The following AGMO variants were observed in gnomAD, a reference collection of about 807,000 sequenced individuals.
The protein encoded by AGMO is glyceryl-ether monooxygenase.
In AGMO, 75 loss-of-function variants were observed where a neutral mutation model predicts 60.2. The observed-to-expected ratio is 1.25, with a 90% confidence interval of 1.03 to 1.51. The LOEUF (loss-of-function observed/expected upper bound fraction) is 1.51. AGMO is among the 40% of genes most tolerant of loss of function. The pLI, the probability that AGMO is intolerant of heterozygous loss-of-function variation, is 0.00. For synonymous variants in AGMO, 261 were observed against 177.1 expected (o/e 1.47, Z -3.76); for missense variants, 763 against 525.5 (o/e 1.45, Z -4.42).
At chr7:15,224,892 T>C (rs940056458) in intron 12 of AGMO, among the ~76,000 whole-genome samples, 1 of 152,066 alleles carries the variant, frequency 6.6e-6, no homozygotes, top group Non-Finnish European at 1.5e-5. Context: ...TCTAGTGATA[T>C]TGGCACAATT....
chr7:15,539,647 G>T (rs954654252), intron 3 of AGMO, among the ~76,000 whole-genome samples: 1 of 152,062 alleles, frequency 6.6e-6, no homozygotes, highest in Non-Finnish European at 1.5e-5. Context: ...ATTCCTTTGG[G>T]CATATACTCA....
intron 3 of AGMO, among the ~76,000 whole-genome samples, chr7:15,476,481 T>C (rs1782595735): frequency 6.6e-6 from 1 of 152,136 alleles, no homozygotes; most frequent in Non-Finnish European, 1.5e-5. Flanking sequence ...GGTGGTTGTT[T>C]TATTTTCATC....
At chr7:15,272,524 T>C (rs1430941397) in intron 12 of AGMO, among the ~76,000 whole-genome samples, 1 of 152,124 alleles carries the variant, frequency 6.6e-6, no homozygotes, top group Non-Finnish European at 1.5e-5. Context: ...TAATCCAGTC[T>C]ATCATTGATG....
At chr7:15,444,902 C>A (rs1781658759) in intron 3 of AGMO, among the ~76,000 whole-genome samples, 1 of 152,236 alleles carries the variant, frequency 6.6e-6, no homozygotes, top group South Asian at 2.1e-4. Context: ...GTTTTACTTT[C>A]TTGCTTAATG....
At chr7:15,373,429 T>C (rs577989626) in intron 10 of AGMO, among the ~76,000 whole-genome samples, 49 of 152,272 alleles carry the variant, frequency 3.2e-4, no homozygotes, top group Admixed American at 5.9e-4. Flanking sequence ...GGAAAAGGTA[T>C]CATTAACAAC....
At chr7:15,335,102 A>C (rs562428155) in intron 12 of AGMO, among the ~76,000 whole-genome samples, 1 of 152,300 alleles carries the variant, frequency 6.6e-6, no homozygotes, top group Non-Finnish European at 1.5e-5. Context: ...TGCTTATAGT[A>C]ACACAAATAA....
intron 3 of AGMO, among the ~76,000 whole-genome samples, chr7:15,442,775 C>A (rs921347029): frequency 6.6e-6 from 1 of 152,008 alleles, no homozygotes; most frequent in Non-Finnish European, 1.5e-5. Context: ...GCCTGCCACA[C>A]CCCCATCCTG....
At chr7:15,266,847 C>A (rs1783446812) in intron 12 of AGMO, among the ~76,000 whole-genome samples, 1 of 151,682 alleles carries the variant, frequency 6.6e-6, no homozygotes, top group South Asian at 2.1e-4. Flanking sequence ...CAGATGACAT[C>A]ACCTAATATT....
At position 15,469,550 on chromosome 7, in the gene AGMO, C is replaced by T. The variant is rs143661088; in HGVS notation, c.410-38442G>A. Among the ~76,000 whole-genome samples the T allele has an allele frequency of 6.6e-5, 10 of 152,226 alleles. 1 individual carries two copies. The highest frequency in any genetic ancestry group is 4.1e-4 in the South Asian group (2 of 4,826). Reference sequence around the variant, plus strand: ...CTTGGCTGGTCAGCTGTGTTCCTCACGCCCCATGGCAAGAGGTCATTTGAA... The same window carrying T: ...CTTGGCTGGTCAGCTGTGTTCCTCATGCCCCATGGCAAGAGGTCATTTGAA... On this transcript the variant is annotated intron_variant, in intron 3 of 12. Transcript: ENST00000342526.
chr7:15,371,476 C>T (rs574967737), intron 10 of AGMO, among the ~76,000 whole-genome samples: 8 of 152,156 alleles, frequency 5.3e-5, no homozygotes, highest in African/African-American at 1.7e-4. Context: ...CTGCAATCTC[C>T]GCCTCCTGGG....
At chr7:15,461,269 T>A (rs1782134069) in intron 3 of AGMO, among the ~76,000 whole-genome samples, 1 of 151,850 alleles carries the variant, frequency 6.6e-6, no homozygotes, top group African/African-American at 2.4e-5. Flanking sequence ...ATAAAGATAA[T>A]CATAAATATT....
chr7:15,261,957 T>A (rs992180666), intron 12 of AGMO, among the ~76,000 whole-genome samples: 7 of 151,928 alleles, frequency 4.6e-5, no homozygotes, highest in African/African-American at 1.7e-4. Flanking sequence ...CCATTATGAT[T>A]AAACCCTCAG....
intron 12 of AGMO, among the ~76,000 whole-genome samples, chr7:15,273,205 G>A (rs1783669505): frequency 6.6e-6 from 1 of 152,130 alleles, no homozygotes; most frequent in Admixed American, 6.5e-5. Context: ...CCTTGCCCAT[G>A]CCTATGTCCT....
intron 3 of AGMO, among the ~76,000 whole-genome samples, chr7:15,495,918 T>A (rs1311704057): frequency 6.6e-6 from 1 of 151,814 alleles, no homozygotes; most frequent in Non-Finnish European, 1.5e-5. Flanking sequence ...CTTCTTCTTA[T>A]AAGGGCACAA....
At chr7:15,347,813 G>A (rs999413808) in intron 12 of AGMO, among the ~76,000 whole-genome samples, 1 of 152,002 alleles carries the variant, frequency 6.6e-6, no homozygotes, top group African/African-American at 2.4e-5. Context: ...TTTCAGTCTA[G>A]AACCTGCTGA....
chr7:15,369,776 C>G (rs972734350), intron 10 of AGMO, among the ~76,000 whole-genome samples: 1 of 151,890 alleles, frequency 6.6e-6, no homozygotes, highest in Non-Finnish European at 1.5e-5. Flanking sequence ...TCCCAAGGGC[C>G]TAGAATATAG....
chr7:15,386,783 A>G (rs1224294948), intron 9 of AGMO, among the ~76,000 whole-genome samples: 1 of 152,218 alleles, frequency 6.6e-6, no homozygotes, highest in African/African-American at 2.4e-5. Flanking sequence ...TATATTCTAA[A>G]TGATTAAAAA....
At chr7:15,496,784 T>C (rs1251009222) in intron 3 of AGMO, among the ~76,000 whole-genome samples, 3 of 152,164 alleles carry the variant, frequency 2.0e-5, no homozygotes, top group Non-Finnish European at 4.4e-5. Context: ...TGGTCAGAAA[T>C]TGAATGAAAT....
intron 5 of AGMO, among the ~76,000 whole-genome samples, chr7:15,406,436 T>C (rs1238337023): frequency 8.0e-6 from 1 of 125,220 alleles, no homozygotes; most frequent in Non-Finnish European, 1.7e-5. Context: ...CATATATGCG[T>C]GCATATGTAC....
Sources: allele counts gnomAD v4.1 joint callset (sites outside exome capture counted in the v4.1 genomes callset), GRCh38; gene constraint gnomAD v4.1.1; transcripts MANE v1.5; gene names NCBI Gene and HGNC (gene_info 2026-07-23, HGNC 2026-07-21).